CSMD1: variants seen among roughly 807,000 people sequenced by gnomAD.
CSMD1 encodes the protein CUB and Sushi multiple domains 1, also known as CUB and sushi domain-containing protein 1.
In CSMD1, 213 loss-of-function variants were observed where a neutral mutation model predicts 417.5. The observed-to-expected ratio is 0.51, with a 90% CI of 0.46 to 0.57. The LOEUF is 0.57. Ranked by LOEUF, CSMD1 falls within the 20% of genes least tolerant of loss-of-function variation. CSMD1 has a pLI of 0.00. For synonymous variants in CSMD1, 2,862 were observed against 1,736.8 expected, an observed-to-expected ratio of 1.65 and a Z score of -16.11; for missense variants, 6,923 against 4,529.7, an observed-to-expected ratio of 1.53 and a Z score of -15.17.
intron 3 of CSMD1, among the ~76,000 whole-genome samples, chr8:4,073,091 T>C (rs1313297993): frequency 6.6e-6 from 1 of 152,202 alleles, no homozygotes; most frequent in East Asian, 1.9e-4. Flanking sequence ...TGATCCACTA[T>C]GTCTTATTTC....
chr8:4,010,243 G>A (rs1304539753), intron 4 of CSMD1, among the ~76,000 whole-genome samples: 1 of 152,028 alleles, frequency 6.6e-6, no homozygotes, highest in Non-Finnish European at 1.5e-5. Context: ...ACTTCCAGGT[G>A]ACTCATGGTC....
intron 1 of CSMD1, among the ~76,000 whole-genome samples, chr8:4,700,711 A>C (rs1227744916): frequency 6.6e-6 from 1 of 152,220 alleles, no homozygotes; most frequent in Non-Finnish European, 1.5e-5. Context: ...AGAAACTCAC[A>C]AAATTATATC....
intron 1 of CSMD1, among the ~76,000 whole-genome samples, chr8:4,777,311 G>C (rs755787089): frequency 6.6e-6 from 1 of 152,224 alleles, no homozygotes. Context: ...GACGAAACCA[G>C]AAAACTGGGA....
chr8:3,638,780 A>G (rs1797167667), intron 7 of CSMD1, among the ~76,000 whole-genome samples: 1 of 152,196 alleles, frequency 6.6e-6, no homozygotes, highest in Non-Finnish European at 1.5e-5. Context: ...GAGAGAAACC[A>G]GCATGCATAG....
In CSMD1 at chr8:4,031,938, C is replaced by G; in HGVS notation, c.577G>C (p.Ala193Pro). 1 of 1,613,870 alleles carries G rather than the reference C, an allele frequency of 6.2e-7. No homozygotes were observed. Among genetic ancestry groups the G allele is most frequent in the Non-Finnish European group, 8.5e-7 (1 of 1,179,848 alleles). The change falls in exon 4 of 70, where the codon GCA (alanine) becomes CCA (proline). Residue 193 changes from alanine (A) to proline (P), a missense_variant. Physicochemically the swap from Ala to Pro is conservative, Grantham distance 27. Transcript: ENST00000635120. The part of the protein sequence containing the change: ...LTCIVSPGNG[A>P]SWDFPAPFCR... ...AAGGGAGCTGGGAAGTCCCACGATG[C>G]ACCATTTCCTGGGCTGACGATGCAG...
chr8:4,760,666 TG>T (rs1811980810), intron 1 of CSMD1, among the ~76,000 whole-genome samples: 2 of 152,364 alleles, frequency 1.3e-5, no homozygotes, highest in Admixed American at 1.3e-4. Context: ...AGTAACATTT[TG>T]TCTATTTCCT....
chr8:4,216,313 C>A (rs1290682398), intron 3 of CSMD1, among the ~76,000 whole-genome samples: 1 of 152,210 alleles, frequency 6.6e-6, no homozygotes, highest in Middle Eastern at 3.4e-3. Context: ...CTATCTGTCA[C>A]CTCAGTAACT....
intron 4 of CSMD1, among the ~76,000 whole-genome samples, chr8:4,021,578 T>A (rs1433614025): frequency 1.3e-5 from 2 of 152,224 alleles, no homozygotes; most frequent in African/African-American, 2.4e-5. Context: ...ATCATCCTCA[T>A]GCTAAGTCTT....
intron 1 of CSMD1, among the ~76,000 whole-genome samples, chr8:4,914,447 G>C (rs907331469): frequency 4.0e-5 from 6 of 151,860 alleles, no homozygotes; most frequent in African/African-American, 1.2e-4. Flanking sequence ...GTGAGGTGGC[G>C]GGCCCCTGTA....
intron 3 of CSMD1, among the ~76,000 whole-genome samples, chr8:4,073,254 G>A (rs931284766): frequency 1.3e-5 from 2 of 151,956 alleles, no homozygotes; most frequent in South Asian, 4.1e-4. Context: ...ATGATGAGAA[G>A]GTAAAAATAG....
chr8:3,105,627 T>A (rs1816081822), intron 46 of CSMD1, among the ~76,000 whole-genome samples: 1 of 152,250 alleles, frequency 6.6e-6, no homozygotes, highest in African/African-American at 2.4e-5. Flanking sequence ...TCTATACTCT[T>A]GCACATGGTC....
chr8:4,781,765 C>G (rs552609506), intron 1 of CSMD1, among the ~76,000 whole-genome samples: 25 of 152,190 alleles, frequency 1.6e-4, no homozygotes, highest in Admixed American at 3.9e-4. Flanking sequence ...TTAATCACAG[C>G]AATTAATATG....
At position 4,392,860 on chromosome 8, in the gene CSMD1, C is replaced by T. The variant is rs528532139; in HGVS notation, c.415+27093G>A. On this transcript the variant is annotated intron_variant, in intron 3 of 69. Coordinates refer to ENST00000635120, the MANE Select transcript of CSMD1 (RefSeq NM_033225.6). ...GCAGGCACCTGTAATCCCAGCTACC[C>T]AGGGAGGCTAAGGCAGGAGAATTGC... Among the ~76,000 whole-genome samples the T allele has an allele frequency of 2.0e-5, 3 of 151,794 alleles. No homozygotes were observed. The South Asian group carries it at 6.2e-4, about 32-fold the overall frequency.
intron 3 of CSMD1, among the ~76,000 whole-genome samples, chr8:4,056,397 CT>C (rs938079564): frequency 1.1e-4 from 15 of 136,654 alleles, no homozygotes; most frequent in East Asian, 2.0e-4. Context: ...TGGTGAATTT[CT>C]TTTTTTTTTC....
chr8:3,751,986 G>A (rs934842517), intron 6 of CSMD1, among the ~76,000 whole-genome samples: 1 of 152,132 alleles, frequency 6.6e-6, no homozygotes, highest in African/African-American at 2.4e-5. Flanking sequence ...GTACGGGATG[G>A]ACATATCCAT....
intron 10 of CSMD1, among the ~76,000 whole-genome samples, chr8:3,502,310 A>T (rs1033003677): frequency 6.9e-6 from 1 of 145,642 alleles, no homozygotes. Context: ...GCTTGCAGTG[A>T]GCTGAGATCG....
At chr8:4,394,348 G>A (rs1157663419) in intron 3 of CSMD1, among the ~76,000 whole-genome samples, 1 of 152,070 alleles carries the variant, frequency 6.6e-6, no homozygotes, top group African/African-American at 2.4e-5. Context: ...TATTCTCTTG[G>A]GTTCTAAATG....
intron 7 of CSMD1, chr8:3,704,932 T>A (rs1801082858): frequency 6.6e-6 from 1 of 152,240 alleles, no homozygotes; most frequent in Admixed American, 6.5e-5. Context: ...GGGCATGGAT[T>A]TCTTGCTTTG....
At chr8:4,164,660 T>A (rs13280168) in intron 3 of CSMD1, among the ~76,000 whole-genome samples, 1 of 151,876 alleles carries the variant, frequency 6.6e-6, no homozygotes, top group Non-Finnish European at 1.5e-5. Flanking sequence ...CAAGACACGA[T>A]TGAATTTTGA....
Sources: gnomAD v4.1 joint callset for allele counts (sites outside exome capture counted in the v4.1 genomes callset) on GRCh38, gnomAD v4.1.1 for gene constraint, MANE v1.5 for transcripts, NCBI Gene and HGNC (gene_info 2026-07-23, HGNC 2026-07-21) for gene names.